Variants in CELF2 observed in about 807,000 individuals in gnomAD.
CELF2 encodes the protein CUG triplet repeat RNA-binding protein 2.
CELF2 carries 8 observed loss-of-function variants against 62.6 expected under a neutral mutation model. The ratio of observed to expected loss-of-function variants is 0.13; its 90% CI spans 0.07 to 0.23. The LOEUF (loss-of-function observed/expected upper bound fraction) is 0.23, where lower values mean the gene tolerates loss of function less well. Among genes scored for constraint, CELF2 ranks in the 10% least tolerant of loss-of-function variants. The pLI, the probability that CELF2 is intolerant of heterozygous loss-of-function variation, is 1.00. For synonymous variants in CELF2, 258 were observed against 250.0 expected, an observed-to-expected ratio of 1.03 and a Z score of -0.30; for missense variants, 333 against 671.0, an observed-to-expected ratio of 0.50 and a Z score of 5.56.
intron 1 of CELF2, among the ~76,000 whole-genome samples, chr10:10,887,453 G>C (rs2133827510): frequency 6.6e-6 from 1 of 152,280 alleles, no homozygotes; most frequent in South Asian, 2.1e-4. Context: ...TATTATGACA[G>C]GGTGGTAGTT....
rs2074487020 is a variant in CELF2, at chr10:11,243,108, C to G, written c.355-6045C>G. ...TATATCTCTGTGTGCCGAGATGCTC[C>G]CCTCCATGAGCTCCACCTTCATTGT... On this transcript the variant is annotated intron_variant, in intron 3 of 12. Transcript: ENST00000633077. This position sits in a 1 kb window ranked among gnomAD's most constrained non-coding sequence, Gnocchi z 4.1. Among the ~76,000 whole-genome samples, 1 of 152,192 alleles carries G rather than the reference C, an allele frequency of 6.6e-6. No homozygotes were observed. The highest frequency in any genetic ancestry group is 1.9e-4 in the East Asian group (1 of 5,174).
chr10:10,688,691 G>T, the CELF2 span, among the ~76,000 whole-genome samples: 2 of 152,176 alleles, frequency 1.3e-5, no homozygotes, highest in African/African-American at 4.8e-5. Context: ...ATAATTGGTT[G>T]TATGAAAATA....
chr10:10,567,696 C>G, the CELF2 span, among the ~76,000 whole-genome samples: 2 of 152,100 alleles, frequency 1.3e-5, no homozygotes, highest in East Asian at 1.9e-4. Flanking sequence ...TTAGCAACCC[C>G]CTACCCTGAT....
At chr10:11,148,380 G>A (rs1359199967) in intron 1 of CELF2, among the ~76,000 whole-genome samples, 2 of 152,206 alleles carry the variant, frequency 1.3e-5, no homozygotes, top group Non-Finnish European at 1.5e-5. Flanking sequence ...GTCTGGAATA[G>A]GCCAAGTGTA....
intron 1 of CELF2, among the ~76,000 whole-genome samples, chr10:10,841,587 A>G (rs1260670461): frequency 6.7e-6 from 1 of 149,140 alleles, no homozygotes; most frequent in Non-Finnish European, 1.5e-5. Flanking sequence ...GTGTTTGTCT[A>G]TATTTGGGCT....
intron 1 of CELF2, among the ~76,000 whole-genome samples, chr10:11,096,897 G>A (rs1349816139): frequency 2.6e-5 from 4 of 152,108 alleles, no homozygotes; most frequent in South Asian, 2.1e-4. Context: ...TTAATCTGAC[G>A]AGGTCTGACA....
At chr10:10,897,206 G>A (rs1473695709) in intron 1 of CELF2, among the ~76,000 whole-genome samples, 3 of 152,206 alleles carry the variant, frequency 2.0e-5, no homozygotes, top group Non-Finnish European at 2.9e-5. Flanking sequence ...ATCATGAATA[G>A]ATTGTTGGTA....
chr10:11,044,333 G>C (rs2139671296), intron 1 of CELF2, among the ~76,000 whole-genome samples: 1 of 152,314 alleles, frequency 6.6e-6, no homozygotes, highest in African/African-American at 2.4e-5. Flanking sequence ...TCGGTTCTTA[G>C]CACAAAACAG....
At chr10:10,544,709 C>G in the CELF2 span, among the ~76,000 whole-genome samples, 62 of 152,278 alleles carry the variant, frequency 4.1e-4, no homozygotes, top group South Asian at 2.1e-4. Flanking sequence ...ACCACTGTTA[C>G]CAACTTCCCA....
At chr10:11,021,177 T>C (rs1362798682) in intron 1 of CELF2, among the ~76,000 whole-genome samples, 1 of 152,142 alleles carries the variant, frequency 6.6e-6, no homozygotes, top group Non-Finnish European at 1.5e-5. Context: ...AAATAAAGTC[T>C]CAGAAATGAG....
Position 11,137,033 on chromosome 10 carries a change from A to G in CELF2, c.75-28453A>G, listed in dbSNP as rs2060543404. ...TGCTATCTAATTTAAATACATACATATATGTGTATATGTGACTATATGGCA... is the reference window on the plus strand; with the variant it reads ...TGCTATCTAATTTAAATACATACATGTATGTGTATATGTGACTATATGGCA... On this transcript the variant is annotated intron_variant, in intron 1 of 12. Coordinates refer to ENST00000633077, the MANE Select transcript of CELF2 (RefSeq NM_001326342.2). 2.0e-5 allele frequency among the ~76,000 whole-genome samples: 3 copies of G among 152,210 alleles called. No individual in the cohort carries two copies. The South Asian group carries it at 6.2e-4, about 32-fold the overall frequency.
At chr10:10,543,439 TTTAA>T in the CELF2 span, among the ~76,000 whole-genome samples, 1 of 152,292 alleles carries the variant, frequency 6.6e-6, no homozygotes, top group East Asian at 1.9e-4. Flanking sequence ...GCCTGTCAAC[TTTAA>T]TTAAGCTAAA....
At chr10:10,900,002 A>G (rs1444329503) in intron 1 of CELF2, among the ~76,000 whole-genome samples, 1 of 152,238 alleles carries the variant, frequency 6.6e-6, no homozygotes, top group South Asian at 2.1e-4. Flanking sequence ...GAAATGGATG[A>G]ATTCCTTGTA....
Position 11,268,549 on chromosome 10 carries a change from A to G in CELF2, c.618+1872A>G, listed in dbSNP as rs1300090905. Among the ~76,000 whole-genome samples the G allele has an allele frequency of 6.6e-6, 1 of 152,222 alleles. No individual in the cohort carries two copies. The highest frequency in any genetic ancestry group is 1.5e-5 in the Non-Finnish European group (1 of 68,036). On this transcript the variant is annotated intron_variant, in intron 6 of 12. Coordinates refer to ENST00000633077, the MANE Select transcript of CELF2 (RefSeq NM_001326342.2). The surrounding 1 kb of genome is among the most constrained non-coding windows in gnomAD (Gnocchi z 4.7). ...AACAGTAGGTTCCCATCATGTAAAG[A>G]GTTGGTTTGACCACTGGGGCATATT...
At chr10:10,960,413 TAA>T (rs2049363572) in intron 2 of CELF2, 1 of 152,262 alleles carries the variant, frequency 6.6e-6, no homozygotes, top group African/African-American at 2.4e-5. Flanking sequence ...ATTATACTGT[TAA>T]AGCTAGTTGT....
chr10:11,175,595 G>T (rs568854229), intron 2 of CELF2, among the ~76,000 whole-genome samples: 1 of 152,290 alleles, frequency 6.6e-6, no homozygotes, highest in South Asian at 2.1e-4. Flanking sequence ...TAAGGAGATG[G>T]TGGGGCAGCT....
At chr10:10,754,150 CTTTT>C in the CELF2 span, among the ~76,000 whole-genome samples, 2 of 83,184 alleles carry the variant, frequency 2.4e-5, no homozygotes, top group Non-Finnish European at 5.1e-5. Flanking sequence ...ACACTTTTTT[CTTTT>C]TTTTTTTTGA....
intron 1 of CELF2, among the ~76,000 whole-genome samples, chr10:11,042,092 A>G (rs74677497): frequency 7.6e-4 from 116 of 152,376 alleles, no homozygotes; most frequent in African/African-American, 2.6e-3. Flanking sequence ...ATAACATGAA[A>G]AGGAAAGCTG....
intron 1 of CELF2, among the ~76,000 whole-genome samples, chr10:10,854,502 C>T (rs962542889): frequency 2.0e-5 from 3 of 152,260 alleles, no homozygotes; most frequent in Admixed American, 2.0e-4. Flanking sequence ...CCACCATGAC[C>T]CAAGGAACCC....
Sources: allele counts gnomAD v4.1 joint callset (sites outside exome capture counted in the v4.1 genomes callset), GRCh38; gene constraint gnomAD v4.1.1; non-coding constraint Gnocchi (gnomAD v3.1); transcripts MANE v1.5; gene names NCBI Gene and HGNC (gene_info 2026-07-23, HGNC 2026-07-21).